Variants in CFAP70 observed in about 807,000 individuals in gnomAD.
CFAP70 encodes the protein cilia and flagella associated protein 70.
A neutral mutation model predicts 137.6 loss-of-function variants in CFAP70; 81 were observed. The observed-to-expected ratio is 0.59, with a 90% CI of 0.49 to 0.71. The LOEUF (loss-of-function observed/expected upper bound fraction) is 0.71. CFAP70 is among the 30% of genes least tolerant of loss of function. CFAP70 has a pLI of 0.00. For synonymous variants in CFAP70, 382 were observed against 423.6 expected (o/e 0.90, Z 1.20); for missense variants, 976 against 1,226.7 (o/e 0.80, Z 3.05).
chr10:73,295,250 A>G (rs2131943857), intron 15 of CFAP70: 1 of 152,528 alleles, frequency 6.6e-6, no homozygotes, highest in African/African-American at 2.4e-5. Flanking sequence ...TGGGAAGTTG[A>G]AGCTATAGTG....
intron 1 of CFAP70, among the ~76,000 whole-genome samples, chr10:73,357,105 ATTTAT>A (rs2054740546): frequency 6.6e-6 from 1 of 152,166 alleles, no homozygotes; most frequent in Non-Finnish European, 1.5e-5. Flanking sequence ...GGGGGTGGAA[ATTTAT>A]TTTTTCTTTT....
chr10:73,268,916 G>A (rs1276845991), intron 25 of CFAP70, among the ~76,000 whole-genome samples: 1 of 151,938 alleles, frequency 6.6e-6, no homozygotes, highest in Non-Finnish European at 1.5e-5. Context: ...TGAACTCCTG[G>A]GCTCAAGTGA....
At position 73,302,185 on chromosome 10, in the gene CFAP70, G is replaced by A. The variant is rs1013827123; in HGVS notation, c.1257-2520C>T. 2.6e-5 allele frequency among the ~76,000 whole-genome samples: 4 copies of A among 152,102 alleles called. No individual in the cohort carries two copies. The South Asian group carries it at 6.2e-4, about 24-fold the overall frequency. On this transcript the variant is annotated intron_variant, in intron 12 of 26. Transcript: ENST00000310715. ...GTGTATAGATGGTATTTAGAGCCACGAGACTAGATAGAAACCAAGGAAATA... is the reference window on the plus strand; with the variant it reads ...GTGTATAGATGGTATTTAGAGCCACAAGACTAGATAGAAACCAAGGAAATA...
At chr10:73,309,082 C>T (rs563580550) in intron 12 of CFAP70, among the ~76,000 whole-genome samples, 2 of 152,058 alleles carry the variant, frequency 1.3e-5, no homozygotes, top group South Asian at 4.1e-4. Flanking sequence ...TGGAGAAAAT[C>T]AATAAGCTTT....
At chr10:73,279,856 T>C (rs2054678671) in intron 19 of CFAP70, among the ~76,000 whole-genome samples, 1 of 151,734 alleles carries the variant, frequency 6.6e-6, no homozygotes, top group Non-Finnish European at 1.5e-5. Flanking sequence ...AGACTCTGTC[T>C]TAAAAAAAGA....
At chr10:73,301,898 T>G (rs1038067999) in intron 12 of CFAP70, among the ~76,000 whole-genome samples, 5 of 152,170 alleles carry the variant, frequency 3.3e-5, no homozygotes, top group African/African-American at 1.2e-4. Context: ...AACTGGATAC[T>G]TTAAATGGGT....
At chr10:73,358,128 T>A (rs1424635119) in intron 1 of CFAP70, among the ~76,000 whole-genome samples, 1 of 152,228 alleles carries the variant, frequency 6.6e-6, no homozygotes, top group Non-Finnish European at 1.5e-5. Flanking sequence ...ACTGCACAAA[T>A]GGTATTATTA....
intron 3 of CFAP70, among the ~76,000 whole-genome samples, chr10:73,352,381 G>A (rs1465989700): frequency 2.6e-5 from 4 of 152,142 alleles, no homozygotes; most frequent in Non-Finnish European, 4.4e-5. Flanking sequence ...GCTGGAGTAC[G>A]GGAATTACTG....
intron 1 of CFAP70, 146 bp from the exon 2 acceptor site, chr10:73,354,981 G>C (rs1315078872): frequency 1.2e-5 from 7 of 598,176 alleles, no homozygotes; most frequent in Non-Finnish European, 5.9e-6. Flanking sequence ...TTTGCTGTTG[G>C]ACAGGCAGTG....
intron 4 of CFAP70, among the ~76,000 whole-genome samples, chr10:73,346,172 C>T (rs1237575724): frequency 6.6e-6 from 1 of 151,896 alleles, no homozygotes; most frequent in East Asian, 2.0e-4. Context: ...GCTGGGATTA[C>T]AGGCGTGAGC....
intron 9 of CFAP70, among the ~76,000 whole-genome samples, chr10:73,316,487 G>GATATATATATATATAT: frequency 9.9e-6 from 1 of 100,942 alleles, no homozygotes; most frequent in African/African-American, 4.5e-5. Context: ...TATAGATATA[G>GATATATATATATATAT]ATATATATAT....
intron 3 of CFAP70, among the ~76,000 whole-genome samples, chr10:73,350,141 T>G (rs1390538211): frequency 1.3e-5 from 2 of 152,234 alleles, no homozygotes; most frequent in African/African-American, 4.8e-5. Context: ...TTCCACATAC[T>G]TCTCTCAAAC....
chr10:73,283,859 TATCATTATA>T (rs2047446888), intron 19 of CFAP70, among the ~76,000 whole-genome samples: 1 of 152,178 alleles, frequency 6.6e-6, no homozygotes, highest in Non-Finnish European at 1.5e-5. Context: ...ACTCAGCCTA[TATCATTATA>T]TTTGAAATGA....
intron 8 of CFAP70, among the ~76,000 whole-genome samples, chr10:73,326,543 C>T (rs2051445871): frequency 6.7e-6 from 1 of 148,504 alleles, no homozygotes; most frequent in African/African-American, 2.5e-5. Flanking sequence ...TTAATGAATC[C>T]AGGAGCTGGT....
At chr10:73,274,977 T>TTTA (rs1361663365) in intron 22 of CFAP70, 1 of 172,100 alleles carries the variant, frequency 5.8e-6, no homozygotes, top group East Asian at 1.7e-4. Context: ...TCATGATTAC[T>TTTA]TTATTATTAT....
In CFAP70 at chr10:73,348,416, A is replaced by T; in HGVS notation, c.349+7T>A. Reference sequence around the variant, plus strand: ...ATTTCTGCTTTTGGGCAAAGCACACATCTGACCTTCCAGTAAGGGAAGAAG... The same window carrying T: ...ATTTCTGCTTTTGGGCAAAGCACACTTCTGACCTTCCAGTAAGGGAAGAAG... On this transcript the variant is annotated splice_region_variant and intron_variant, in intron 4 of 26. Transcript: ENST00000310715. 1 of 1,604,608 alleles carries T rather than the reference A, an allele frequency of 6.2e-7. No individual in the cohort carries two copies. The highest frequency in any genetic ancestry group is 8.5e-7 in the Non-Finnish European group (1 of 1,172,932).
chr10:73,312,766 G>A (rs1321813214), intron 9 of CFAP70, 123 bp from the exon 11 acceptor site: 3 of 852,392 alleles, frequency 3.5e-6, no homozygotes, highest in Non-Finnish European at 3.5e-6. Context: ...CAGAGAGAGA[G>A]AAGGGACTTG....
intron 6 of CFAP70, among the ~76,000 whole-genome samples, chr10:73,338,917 C>G (rs997737315): frequency 6.7e-6 from 1 of 149,602 alleles, no homozygotes; most frequent in Non-Finnish European, 1.5e-5. Flanking sequence ...CAAGGGATCA[C>G]TATACTTTTT....
At chr10:73,345,180 CCT>C (rs762692390) in intron 4 of CFAP70, 4 of 1,614,122 alleles carry the variant, frequency 2.5e-6, no homozygotes, top group East Asian at 2.2e-5. Context: ...TAGATTGCCC[CCT>C]GAGATCTGGG....
Sources: allele counts gnomAD v4.1 joint callset (sites outside exome capture counted in the v4.1 genomes callset), GRCh38; gene constraint gnomAD v4.1.1; transcripts MANE v1.5; gene names NCBI Gene and HGNC (gene_info 2026-07-23, HGNC 2026-07-21).